Variants in PDE3B observed in about 807,000 individuals in gnomAD.
The protein encoded by PDE3B is phosphodiesterase 3B, also known as cGMP-inhibited 3',5'-cyclic phosphodiesterase 3B.
In PDE3B, 66 loss-of-function variants were observed where a neutral mutation model predicts 116.8. The observed-to-expected ratio is 0.56, with a 90% confidence interval of 0.46 to 0.69. PDE3B has a LOEUF of 0.69. Among genes scored for constraint, PDE3B ranks in the 30% least tolerant of loss-of-function variants. The pLI, the probability that PDE3B is intolerant of heterozygous loss-of-function variation, is 0.00. For missense variants in PDE3B, 1,384 were observed against 1,368.1 expected (o/e 1.01, Z -0.18); for synonymous variants, 595 against 533.6 (o/e 1.12, Z -1.59).
At chr11:14,691,531 C>T (rs1201095894) in intron 1 of PDE3B, among the ~76,000 whole-genome samples, 1 of 151,946 alleles carries the variant, frequency 6.6e-6, no homozygotes, top group East Asian at 1.9e-4. Context: ...GAAAAAGGTA[C>T]AGAATTGTCA....
At chr11:14,764,399 G>T (rs1409779961) in intron 1 of PDE3B, among the ~76,000 whole-genome samples, 1 of 152,094 alleles carries the variant, frequency 6.6e-6, no homozygotes, top group Non-Finnish European at 1.5e-5. Context: ...GCAAAAGATG[G>T]ATGTGGAGAC....
intron 1 of PDE3B, among the ~76,000 whole-genome samples, chr11:14,695,903 C>G (rs530279727): frequency 6.6e-6 from 1 of 152,220 alleles, no homozygotes; most frequent in East Asian, 1.9e-4. Flanking sequence ...TTTTCTTTAT[C>G]CAGTCTATCA....
intron 1 of PDE3B, among the ~76,000 whole-genome samples, chr11:14,677,908 C>T (rs1327049179): frequency 1.3e-5 from 2 of 152,096 alleles, no homozygotes; most frequent in Admixed American, 6.6e-5. Flanking sequence ...ATTGGATGTA[C>T]CTGTTTATCC....
Position 14,819,187 on chromosome 11 carries a change from A to T in PDE3B, c.1785A>T (p.Thr595=), listed in dbSNP as rs776990473. 1 of 1,591,658 alleles carries T rather than the reference A, an allele frequency of 6.3e-7. No individual in the cohort carries two copies. Among genetic ancestry groups the T allele is most frequent in the Non-Finnish European group, 8.6e-7 (1 of 1,164,860 alleles). Residue 595 remains threonine, a synonymous_variant, in exon 7 of 16, where the codon ACA becomes ACT. Transcript: ENST00000282096. ...KYVSTSESDG[T]DCCSGKSGEE... is the part of the protein sequence containing the mutation. ...TTTCAACATCTGAATCAGATGGTAC[A>T]GATTGCTGCAGTGGAAAATCAGGTG...
At chr11:14,817,253 AG>A (rs1859362648) in intron 5 of PDE3B, among the ~76,000 whole-genome samples, 1 of 142,510 alleles carries the variant, frequency 7.0e-6, no homozygotes, top group South Asian at 2.3e-4. Context: ...ACTTGGACAC[AG>A]GGTGGGGAAC....
chr11:14,819,596 A>G (rs1472466588), intron 7 of PDE3B, among the ~76,000 whole-genome samples: 1 of 152,190 alleles, frequency 6.6e-6, no homozygotes, highest in Non-Finnish European at 1.5e-5. Flanking sequence ...AATATTTTGT[A>G]TCCTCATACA....
intron 7 of PDE3B, among the ~76,000 whole-genome samples, chr11:14,824,144 T>C (rs1377391279): frequency 6.6e-6 from 1 of 152,170 alleles, no homozygotes; most frequent in Non-Finnish European, 1.5e-5. Flanking sequence ...ACGCTGTCCC[T>C]GTCAGACCAC....
At chr11:14,869,351 GTTTACT>G in intron 15 of PDE3B, 104 bp from the exon 16 acceptor site, 1 of 696,278 alleles carries the variant, frequency 1.4e-6, no homozygotes, top group East Asian at 2.8e-5. Context: ...TTATAGTACT[GTTTACT>G]TTTATACTCC....
chr11:14,891,128 C>T, the PDE3B span: 1 of 985,454 alleles, frequency 1.0e-6, no homozygotes, highest in Non-Finnish European at 1.2e-6. Context: ...AAACTCCTGC[C>T]CCCTCCGGAC....
chr11:14,754,025 C>G (rs1199682672), intron 1 of PDE3B, among the ~76,000 whole-genome samples: 4 of 151,632 alleles, frequency 2.6e-5, no homozygotes, highest in African/African-American at 7.3e-5. Flanking sequence ...AAATAACATA[C>G]AACATTTTTT....
intron 4 of PDE3B, among the ~76,000 whole-genome samples, chr11:14,790,735 T>G (rs1031247447): frequency 1.3e-5 from 2 of 152,102 alleles, no homozygotes; most frequent in Non-Finnish European, 2.9e-5. Flanking sequence ...ATAAATTAAT[T>G]GGTGGTATTA....
rs1346335928 is a variant in PDE3B, at chr11:14,870,604, C to T, written c.*944C>T. 1 of 152,386 alleles carries T rather than the reference C, an allele frequency of 6.6e-6. No individual in the cohort carries two copies. The highest frequency in any genetic ancestry group is 2.4e-5 in the African/African-American group (1 of 41,438). 9.4% of individuals were successfully genotyped at this position (152,386 alleles called of 1,614,324 possible). A position where few individuals can be genotyped will look rare whatever the true frequency, so the allele number is the denominator to read the frequency against. On this transcript the variant is annotated 3_prime_UTR_variant, in exon 16 of 16. Transcript: ENST00000282096. This position sits in a 1 kb window ranked among gnomAD's most constrained non-coding sequence, Gnocchi z 4.1. ...GAAATATAGTGAGCCCTAAAGGACA[C>T]ATACATTGAATAAATAATTGGAACA...
At chr11:14,648,401 T>A (rs1853472510) in intron 1 of PDE3B, among the ~76,000 whole-genome samples, 1 of 152,090 alleles carries the variant, frequency 6.6e-6, no homozygotes, top group Non-Finnish European at 1.5e-5. Flanking sequence ...GAGAGTTTTT[T>A]TTAAAGTGTG....
intron 5 of PDE3B, among the ~76,000 whole-genome samples, chr11:14,808,000 C>T (rs751218211): frequency 1.3e-5 from 2 of 149,804 alleles, no homozygotes; most frequent in South Asian, 2.1e-4. Flanking sequence ...ACAGAGATTG[C>T]GGTGAGCCGA....
intron 1 of PDE3B, among the ~76,000 whole-genome samples, chr11:14,715,218 G>C (rs1298086473): frequency 6.6e-6 from 1 of 152,284 alleles, no homozygotes; most frequent in South Asian, 2.1e-4. Flanking sequence ...TTTTCTTTTG[G>C]CTTAGGATTG....
intron 8 of PDE3B, among the ~76,000 whole-genome samples, chr11:14,831,331 T>A (rs1309294385): frequency 6.6e-6 from 1 of 151,716 alleles, no homozygotes; most frequent in Admixed American, 6.6e-5. Context: ...CTTTGATACC[T>A]GTAACTACTA....
intron 2 of PDE3B, chr11:14,774,975 G>A (rs1347686179): frequency 1.3e-5 from 2 of 152,182 alleles, no homozygotes; most frequent in Non-Finnish European, 2.9e-5. Flanking sequence ...GCACTTGCTA[G>A]TCTCTCTGCC....
At chr11:14,690,345 A>G (rs1005303514) in intron 1 of PDE3B, among the ~76,000 whole-genome samples, 1 of 152,218 alleles carries the variant, frequency 6.6e-6, no homozygotes, top group Non-Finnish European at 1.5e-5. Flanking sequence ...TGTGAAGACT[A>G]TTTTGTAAAA....
At chr11:14,807,747 A>G (rs1858987006) in intron 5 of PDE3B, among the ~76,000 whole-genome samples, 1 of 152,142 alleles carries the variant, frequency 6.6e-6, no homozygotes, top group African/African-American at 2.4e-5. Context: ...TTACGCTCCA[A>G]TTAAAAGACA....
Sources: allele counts gnomAD v4.1 joint callset (sites outside exome capture counted in the v4.1 genomes callset), GRCh38; gene constraint gnomAD v4.1.1; non-coding constraint Gnocchi (gnomAD v3.1); transcripts MANE v1.5; gene names NCBI Gene and HGNC (gene_info 2026-07-23, HGNC 2026-07-21).